ZNF521: variants seen among roughly 807,000 people sequenced by gnomAD.
ZNF521 encodes zinc finger protein 521.
ZNF521 carries 14 observed loss-of-function variants against 105.5 expected under a neutral mutation model. The observed-to-expected ratio is 0.13, with a 90% CI of 0.09 to 0.21. ZNF521 has a LOEUF of 0.21. Ranked by LOEUF, ZNF521 falls within the 10% of genes least tolerant of loss-of-function variation. ZNF521 has a pLI of 1.00. For missense variants in ZNF521, 1,233 were observed against 1,629.7 expected, an observed-to-expected ratio of 0.76 and a Z score of 4.19; for synonymous variants, 635 against 606.0, an observed-to-expected ratio of 1.05 and a Z score of -0.70.
chr18:25,228,700 A>G (rs1037453501), intron 3 of ZNF521, among the ~76,000 whole-genome samples: 2 of 152,226 alleles, frequency 1.3e-5, no homozygotes, highest in African/African-American at 2.4e-5. Flanking sequence ...GAAGACAAAC[A>G]AGACTGAGAG....
chr18:25,295,139 C>T (rs1460852638), intron 3 of ZNF521, among the ~76,000 whole-genome samples: 2 of 152,114 alleles, frequency 1.3e-5, no homozygotes, highest in Non-Finnish European at 2.9e-5. Context: ...TAAGCACTAA[C>T]CTGACCTTTG....
chr18:25,133,438 T>A (rs2034676631), intron 5 of ZNF521, among the ~76,000 whole-genome samples: 1 of 152,190 alleles, frequency 6.6e-6, no homozygotes, highest in African/African-American at 2.4e-5. Flanking sequence ...AGTAACAATC[T>A]GTGACTATTT....
chr18:25,328,445 A>G (rs1395583546), intron 2 of ZNF521, among the ~76,000 whole-genome samples: 1 of 142,698 alleles, frequency 7.0e-6, no homozygotes, highest in East Asian at 2.1e-4. Flanking sequence ...ACACACACAC[A>G]CACGCATTCA....
At chr18:25,203,397 A>C (rs1269648802) in intron 4 of ZNF521, among the ~76,000 whole-genome samples, 1 of 152,162 alleles carries the variant, frequency 6.6e-6, no homozygotes, top group Non-Finnish European at 1.5e-5. Context: ...TGAGAGGATC[A>C]CTTGAATCCA....
chr18:25,068,960 A>G (rs12965721), intron 7 of ZNF521, among the ~76,000 whole-genome samples: 18,397 of 152,210 alleles, frequency 0.12, 1,359 homozygotes, highest in East Asian at 0.19. Flanking sequence ...TCAGACTGAC[A>G]TATACCGCAT....
intron 5 of ZNF521, among the ~76,000 whole-genome samples, chr18:25,186,122 C>T (rs942715249): frequency 1.3e-5 from 2 of 152,140 alleles, no homozygotes; most frequent in African/African-American, 4.8e-5. Flanking sequence ...AGTCAGTGCT[C>T]AAAAGATGCC....
chr18:25,301,018 G>GT (rs1911614451), intron 3 of ZNF521, among the ~76,000 whole-genome samples: 1 of 152,092 alleles, frequency 6.6e-6, no homozygotes, highest in Admixed American at 6.5e-5. Context: ...CTATAAACTT[G>GT]TTTTTTATTT....
At chr18:25,280,204 G>A (rs1233666792) in intron 3 of ZNF521, among the ~76,000 whole-genome samples, 1 of 152,118 alleles carries the variant, frequency 6.6e-6, no homozygotes, top group Admixed American at 6.5e-5. Context: ...TCCCAGTCCT[G>A]AAAATAATAG....
rs139712042 is a variant in ZNF521 at position 25,103,542 on chromosome 18, G to A, written c.3659-11461C>T. On this transcript the variant is annotated intron_variant, in intron 5 of 7. Transcript: ENST00000361524. The stretch of plus-strand genomic sequence containing the variant: ...GAAACATAACCCCATACTTACGTAT[G>A]GAAAATAGGTCAGCTCAATATATTC... Among the ~76,000 whole-genome samples, 535 of 152,182 alleles carry A rather than the reference G, an allele frequency of 3.5e-3. 2 individuals carry two copies. The highest frequency in any genetic ancestry group is 0.012 in the African/African-American group (505 of 41,518).
chr18:25,179,116 CTTTTTTTTTTTTTTTTTTT>C lies in ZNF521; in HGVS notation c.3658+16025_3658+16043del, dbSNP rs1175859497. On this transcript the variant is annotated intron_variant, in intron 5 of 7. Transcript: ENST00000361524. The stretch of plus-strand genomic sequence containing the variant: ...GACTTATACTTCTTTTTCTTTATTC[CTTTTTTTTTTTTTTTTTTT>C]TTTTTTTTTTTTTTTTTTTTTTTGG... 3.7e-3 allele frequency among the ~76,000 whole-genome samples: 192 copies of C among 52,478 alleles called. 1 individual carries two copies. Among genetic ancestry groups the C allele is most frequent in the African/African-American group, 0.01 (142 of 13,542 alleles). 34.4% of individuals were successfully genotyped at this position (52,478 alleles called of 152,430 possible).
intron 3 of ZNF521, among the ~76,000 whole-genome samples, chr18:25,305,968 T>C (rs1911951692): frequency 6.6e-6 from 1 of 152,254 alleles, no homozygotes; most frequent in African/African-American, 2.4e-5. Context: ...GGCAATGTTA[T>C]CACCTTTACA....
At chr18:25,188,103 C>T (rs2035757258) in intron 5 of ZNF521, among the ~76,000 whole-genome samples, 1 of 152,102 alleles carries the variant, frequency 6.6e-6, no homozygotes, top group African/African-American at 2.4e-5. Flanking sequence ...TCCTTTCCAG[C>T]TCCCTAACAG....
At chr18:25,299,119 A>T (rs547324252) in intron 3 of ZNF521, among the ~76,000 whole-genome samples, 1 of 152,200 alleles carries the variant, frequency 6.6e-6, no homozygotes. Flanking sequence ...CCATGTATAA[A>T]CATCTTGATG....
chr18:25,349,056 CTT>C (rs780383212), intron 2 of ZNF521, among the ~76,000 whole-genome samples: 1 of 147,858 alleles, frequency 6.8e-6, no homozygotes, highest in Non-Finnish European at 1.5e-5. Context: ...CTTTAATAAA[CTT>C]TTTTTTTTTT....
chr18:25,310,821 T>C (rs1912264075), intron 3 of ZNF521, among the ~76,000 whole-genome samples: 1 of 152,202 alleles, frequency 6.6e-6, no homozygotes, highest in Non-Finnish European at 1.5e-5. Context: ...TATAATTATA[T>C]TGAAACGAAT....
intron 5 of ZNF521, among the ~76,000 whole-genome samples, chr18:25,104,049 T>C (rs1054328905): frequency 2.0e-5 from 3 of 152,172 alleles, no homozygotes; most frequent in African/African-American, 7.2e-5. Context: ...ATAATAGTTA[T>C]GGAGTGCTCT....
At chr18:25,117,888 T>A (rs1424677224) in intron 5 of ZNF521, among the ~76,000 whole-genome samples, 1 of 152,064 alleles carries the variant, frequency 6.6e-6, no homozygotes, top group Non-Finnish European at 1.5e-5. Context: ...GACTCATGAA[T>A]CTCGCAAACT....
At chr18:25,082,095 G>A (rs773092289) in intron 7 of ZNF521, among the ~76,000 whole-genome samples, 2 of 152,158 alleles carry the variant, frequency 1.3e-5, no homozygotes, top group Admixed American at 6.5e-5. Context: ...TAACCACTGA[G>A]CAAATTAAGT....
intron 2 of ZNF521, chr18:25,327,583 G>T: frequency 3.4e-6 from 2 of 588,856 alleles, no homozygotes; most frequent in Non-Finnish European, 6.1e-6. Context: ...TTACCTTCAG[G>T]CTACAAAGAG....
Sources: gnomAD v4.1 joint callset for allele counts (sites outside exome capture counted in the v4.1 genomes callset) on GRCh38, gnomAD v4.1.1 for gene constraint, MANE v1.5 for transcripts, NCBI Gene and HGNC (gene_info 2026-07-23, HGNC 2026-07-21) for gene names.